NUMB: variants seen among roughly 807,000 people sequenced by gnomAD.
NUMB encodes NUMB endocytic adaptor protein.
NUMB carries 29 observed loss-of-function variants against 59.7 expected under a neutral mutation model. The observed-to-expected ratio is 0.49, with a 90% confidence interval of 0.36 to 0.66. The LOEUF is 0.66. NUMB is among the 30% of genes least tolerant of loss of function. The pLI, the probability that NUMB is intolerant of heterozygous loss-of-function variation, is 0.00. For synonymous variants in NUMB, 288 were observed against 288.2 expected (o/e 1.00, Z 0.01); for missense variants, 723 against 822.0 (o/e 0.88, Z 1.47).
chr14:73,282,453 G>A lies in NUMB; in HGVS notation c.1002C>T (p.Ile334=), dbSNP rs750695125. 36 of 1,614,016 alleles carry A rather than the reference G, an allele frequency of 2.2e-5. No individual in the cohort carries two copies. Among genetic ancestry groups the A allele is most frequent in the Admixed American group, 1.7e-4 (10 of 59,998 alleles). The change falls in exon 11 of 13, where the codon ATC becomes ATT. Residue 334 remains isoleucine (I), a synonymous_variant. Coordinates refer to ENST00000555238, the MANE Select transcript of NUMB (RefSeq NM_001005743.2). ...CCTCAGGTGTGCTGAAGGCATTGGT[G>A]ATCTGTGAGCACAGGGAGCTGATGC... The part of the protein sequence containing the change: ...AESISSLCSQ[I]TNAFSTPEDP...
At chr14:73,301,879 G>A (rs1321350985) in intron 6 of NUMB, among the ~76,000 whole-genome samples, 1 of 152,032 alleles carries the variant, frequency 6.6e-6, no homozygotes, top group Non-Finnish European at 1.5e-5. Flanking sequence ...CCAGGAGTTC[G>A]AAACCAGCCT....
At chr14:73,307,370 G>A (rs550285614) in intron 6 of NUMB, among the ~76,000 whole-genome samples, 1 of 151,766 alleles carries the variant, frequency 6.6e-6, no homozygotes, top group South Asian at 2.1e-4. Context: ...GGAGAGTGGT[G>A]TTTGGATTTT....
chr14:73,304,265 T>G (rs1169395088), intron 6 of NUMB, among the ~76,000 whole-genome samples: 1 of 59,940 alleles, frequency 1.7e-5, no homozygotes, highest in Non-Finnish European at 2.8e-5. Context: ...TCTACCTATC[T>G]CCAGGCTTTG....
intron 2 of NUMB, among the ~76,000 whole-genome samples, chr14:73,373,380 T>C (rs1477442484): frequency 6.6e-6 from 1 of 152,240 alleles, no homozygotes; most frequent in Non-Finnish European, 1.5e-5. Flanking sequence ...AAAGCTGCTA[T>C]GCTTTTACTA....
At chr14:73,387,306 C>G (rs1895592216) in intron 2 of NUMB, among the ~76,000 whole-genome samples, 1 of 152,090 alleles carries the variant, frequency 6.6e-6, no homozygotes, top group African/African-American at 2.4e-5. Context: ...CCCCATGCTG[C>G]TGTTCTCATG....
At chr14:73,378,641 A>T (rs1252268243) in intron 2 of NUMB, among the ~76,000 whole-genome samples, 3 of 152,232 alleles carry the variant, frequency 2.0e-5, no homozygotes, top group Non-Finnish European at 4.4e-5. Flanking sequence ...TAAGTGAAAA[A>T]AGCCAATCTG....
At chr14:73,295,092 ACTATC>A in intron 7 of NUMB, among the ~76,000 whole-genome samples, 1 of 147,184 alleles carries the variant, frequency 6.8e-6, no homozygotes, top group African/African-American at 2.5e-5. Flanking sequence ...AGGTAGGAAC[ACTATC>A]AGAATCAAGA....
At chr14:73,303,008 A>T (rs1890235983) in intron 6 of NUMB, among the ~76,000 whole-genome samples, 1 of 152,110 alleles carries the variant, frequency 6.6e-6, no homozygotes, top group African/African-American at 2.4e-5. Flanking sequence ...ACCTGACGTC[A>T]GGAGTTCGAG....
chr14:73,352,504 A>T (rs61596588), intron 4 of NUMB, among the ~76,000 whole-genome samples: 6 of 12,404 alleles, frequency 4.8e-4, no homozygotes, highest in African/African-American at 2.0e-3. Flanking sequence ...ATATATATAT[A>T]TATATATATA....
chr14:73,341,213 T>C (rs1476457952), intron 4 of NUMB, among the ~76,000 whole-genome samples: 1 of 152,170 alleles, frequency 6.6e-6, no homozygotes, highest in Admixed American at 6.5e-5. Context: ...AGATATAAGT[T>C]TGAAGGTAAG....
In NUMB at chr14:73,276,369, T is replaced by A; in HGVS notation, c.*209A>T. ...CAACATTTCCTTGACTTCTTTAGCC[T>A]AATTGCAAGGCAGCTTTTCTCTAGG... On this transcript the variant is annotated 3_prime_UTR_variant, in exon 13 of 13. Coordinates refer to ENST00000555238, the MANE Select transcript of NUMB (RefSeq NM_001005743.2). 1.9e-6 allele frequency: 1 copy of A among 534,766 alleles called. No homozygotes were observed. The highest frequency in any genetic ancestry group is 3.3e-6 in the Non-Finnish European group (1 of 301,762). The allele number at this position is 534,766 out of a possible 1,614,324, so 33.1% of individuals were successfully genotyped here. A position where few individuals can be genotyped will look rare whatever the true frequency, so the allele number is the denominator to read the frequency against.
At chr14:73,333,012 T>G (rs984025629) in intron 4 of NUMB, among the ~76,000 whole-genome samples, 2 of 152,212 alleles carry the variant, frequency 1.3e-5, no homozygotes, top group Non-Finnish European at 2.9e-5. Context: ...CTACCATCAA[T>G]GGACATTTGG....
intron 4 of NUMB, among the ~76,000 whole-genome samples, chr14:73,350,062 T>TACACACACACACAC (rs1394753470): frequency 7.6e-6 from 1 of 130,904 alleles, no homozygotes; most frequent in South Asian, 2.4e-4. Flanking sequence ...CATACATATA[T>TACACACACACACAC]ACATACATAC....
chr14:73,382,126 G>A (rs1381342275), intron 2 of NUMB, among the ~76,000 whole-genome samples: 1 of 152,112 alleles, frequency 6.6e-6, no homozygotes, highest in South Asian at 2.1e-4. Flanking sequence ...CCCAACATGC[G>A]GAGGCAAAGT....
rs564575197 is a variant in NUMB at position 73,440,586 on chromosome 14, C to G, written c.-233+17907G>C. 4.6e-5 allele frequency among the ~76,000 whole-genome samples: 7 copies of G among 152,016 alleles called. No homozygotes were observed. The South Asian group carries it at 1.5e-3, about 32-fold the overall frequency. On this transcript the variant is annotated intron_variant, in intron 1 of 12. Coordinates refer to ENST00000555238, the MANE Select transcript of NUMB (RefSeq NM_001005743.2). ...ATCGGCCAGGGGAGGTGACTCACAC[C>G]TGTAATCCCAGCACTTTGGGAGGCT...
At chr14:73,457,846 A>G (rs929895871) in intron 1 of NUMB, 7 of 152,466 alleles carry the variant, frequency 4.6e-5, no homozygotes, top group African/African-American at 1.7e-4. Flanking sequence ...CCTCCCTTGG[A>G]CAGCCGCTTT....
intron 6 of NUMB, chr14:73,299,441 T>C (rs1889973977): frequency 1.3e-5 from 2 of 151,860 alleles, no homozygotes; most frequent in Admixed American, 6.6e-5. Context: ...CCTGCCTGAG[T>C]TTCCAGCCCG....
At chr14:73,424,806 TA>T (rs1897511637) in intron 1 of NUMB, among the ~76,000 whole-genome samples, 1 of 152,204 alleles carries the variant, frequency 6.6e-6, no homozygotes, top group African/African-American at 2.4e-5. Flanking sequence ...GAAGAAAAAC[TA>T]ATTTAACTGA....
intron 1 of NUMB, among the ~76,000 whole-genome samples, chr14:73,447,055 C>T (rs988820251): frequency 6.6e-6 from 1 of 151,004 alleles, no homozygotes; most frequent in African/African-American, 2.4e-5. Context: ...GGCGTGGTGG[C>T]GCACCCTGTA....
Sources: allele counts gnomAD v4.1 joint callset (sites outside exome capture counted in the v4.1 genomes callset), GRCh38; gene constraint gnomAD v4.1.1; transcripts MANE v1.5; gene names NCBI Gene and HGNC (gene_info 2026-07-23, HGNC 2026-07-21).